Variants in MOB1B observed in about 807,000 individuals in gnomAD.
MOB1B encodes MOB1 Mps One Binder homolog B.
Under a neutral mutation model 24.4 loss-of-function variants are expected in MOB1B, and 19 were observed. The observed-to-expected ratio is 0.78, with a 90% CI of 0.54 to 1.14. The LOEUF (loss-of-function observed/expected upper bound fraction) is 1.14. Among genes scored for constraint, MOB1B ranks in the 50% most tolerant of loss-of-function variants. MOB1B has a pLI of 0.00. For missense variants in MOB1B, 243 were observed against 259.6 expected, an observed-to-expected ratio of 0.94 and a Z score of 0.44; for synonymous variants, 76 against 82.1, an observed-to-expected ratio of 0.93 and a Z score of 0.40.
chr4:70,905,079 A>G (rs898849334), intron 1 of MOB1B, among the ~76,000 whole-genome samples: 2 of 152,204 alleles, frequency 1.3e-5, no homozygotes, highest in Non-Finnish European at 2.9e-5. Flanking sequence ...GTGCTTGACA[A>G]TCAGAAAAGT....
At chr4:70,912,505 T>C (rs1310398338) in intron 1 of MOB1B, among the ~76,000 whole-genome samples, 1 of 152,048 alleles carries the variant, frequency 6.6e-6, no homozygotes, top group Non-Finnish European at 1.5e-5. Flanking sequence ...GTCTCAACTT[T>C]GTCTTCAGGT....
intron 1 of MOB1B, among the ~76,000 whole-genome samples, chr4:70,954,092 T>A (rs1158390217): frequency 6.6e-6 from 1 of 152,198 alleles, no homozygotes; most frequent in East Asian, 1.9e-4. Flanking sequence ...ATTAAAAAAA[T>A]TTTCTTTTAA....
At chr4:70,918,939 A>C (rs1185437699) in intron 1 of MOB1B, among the ~76,000 whole-genome samples, 1 of 152,224 alleles carries the variant, frequency 6.6e-6, no homozygotes, top group Non-Finnish European at 1.5e-5. Context: ...CTGGATTAAG[A>C]AAATGTGGCA....
At chr4:70,970,450 T>G (rs1738710968) in intron 3 of MOB1B, among the ~76,000 whole-genome samples, 1 of 152,248 alleles carries the variant, frequency 6.6e-6, no homozygotes, top group Non-Finnish European at 1.5e-5. Context: ...TTTTTACCTT[T>G]GTAATGAAAT....
intron 3 of MOB1B, among the ~76,000 whole-genome samples, chr4:70,973,272 TTAACA>T (rs1738839904): frequency 6.6e-6 from 1 of 151,960 alleles, no homozygotes; most frequent in Non-Finnish European, 1.5e-5. Flanking sequence ...TTAAGATTTC[TTAACA>T]TAAGGTAGTA....
chr4:70,975,599 C>A, intron 4 of MOB1B: 1 of 980,412 alleles, frequency 1.0e-6, no homozygotes, highest in Non-Finnish European at 1.2e-6. Context: ...TGATGATATT[C>A]TAGATTAAAG....
rs369224160 is a variant in MOB1B, at chr4:70,951,674, G to A, written c.15-7200G>A. Among the ~76,000 whole-genome samples the A allele has an allele frequency of 1.1e-3, 166 of 152,356 alleles. 1 individual carries two copies. The highest frequency in any genetic ancestry group is 3.8e-3 in the African/African-American group (158 of 41,586). Reference sequence around the variant, plus strand: ...GCACTTTGGGAGGCCAAGATGAGGGGATTGCTTGAGCCTAGCAGTTCGAGA... The same window carrying A: ...GCACTTTGGGAGGCCAAGATGAGGGAATTGCTTGAGCCTAGCAGTTCGAGA... On this transcript the variant is annotated intron_variant, in intron 1 of 5. Coordinates refer to ENST00000309395, the MANE Select transcript of MOB1B (RefSeq NM_173468.4).
In MOB1B at chr4:70,946,787, A is replaced by G. The variant is rs551294837; in HGVS notation, c.15-12087A>G. Among the ~76,000 whole-genome samples, 15 of 152,160 alleles carry G rather than the reference A, an allele frequency of 9.9e-5. No homozygotes were observed. The South Asian group carries it at 2.7e-3, about 27-fold the overall frequency. On this transcript the variant is annotated intron_variant, in intron 1 of 5. Transcript: ENST00000309395. ...TTCCAAAGAGGGTTTTGGGAACTTC[A>G]ATATTTAAAGGGGAAAGATGAAACA...
At chr4:70,947,760 G>T (rs369232970) in intron 1 of MOB1B, among the ~76,000 whole-genome samples, 2 of 152,082 alleles carry the variant, frequency 1.3e-5, no homozygotes, top group African/African-American at 4.8e-5. Flanking sequence ...GGGGCAGCAG[G>T]TGTGTGCCAC....
chr4:70,919,745 C>G (rs769941864), intron 1 of MOB1B, among the ~76,000 whole-genome samples: 2 of 152,132 alleles, frequency 1.3e-5, no homozygotes, highest in Admixed American at 1.3e-4. Flanking sequence ...GTGATCAGCC[C>G]GCCTCGGCCT....
At chr4:70,930,498 G>A (rs569872760) in intron 1 of MOB1B, among the ~76,000 whole-genome samples, 1 of 152,278 alleles carries the variant, frequency 6.6e-6, no homozygotes, top group African/African-American at 2.4e-5. Flanking sequence ...CCAATTGCTA[G>A]TGCATGTGAA....
chr4:70,964,480 A>G (rs1253152443), intron 2 of MOB1B, among the ~76,000 whole-genome samples: 1 of 152,242 alleles, frequency 6.6e-6, no homozygotes, highest in East Asian at 1.9e-4. Flanking sequence ...ATATATGGAA[A>G]CTTGTGGGAT....
At chr4:70,907,212 T>G (rs1735784783) in intron 1 of MOB1B, among the ~76,000 whole-genome samples, 1 of 152,180 alleles carries the variant, frequency 6.6e-6, no homozygotes, top group Non-Finnish European at 1.5e-5. Context: ...AATCACCAAC[T>G]TGAGGTTGGT....
intron 1 of MOB1B, chr4:70,950,678 C>T (rs1361526861): frequency 4.1e-5 from 53 of 1,281,462 alleles, no homozygotes; most frequent in Non-Finnish European, 1.2e-5. Context: ...TAATATTAAT[C>T]ATCATTATTA....
chr4:70,938,704 A>G (rs538956009), intron 1 of MOB1B, among the ~76,000 whole-genome samples: 1 of 1,212 alleles, frequency 8.3e-4, no homozygotes, highest in African/African-American at 3.4e-3. Flanking sequence ...TAGAGGCGTC[A>G]CTAATTCCTA....
In MOB1B at chr4:70,902,404, C is replaced by T. The variant is rs929801410; in HGVS notation, c.-133C>T. ...GCTGAGCCGAACTAGTTGCGGCCAC[C>T]GAGCAGCCGGCTCTCGGCACCTCCT... On this transcript the variant is annotated 5_prime_UTR_variant, in exon 1 of 6. Coordinates refer to ENST00000309395, the MANE Select transcript of MOB1B (RefSeq NM_173468.4). The T allele has an allele frequency of 1.0e-6, 1 of 958,124 alleles. No individual in the cohort carries two copies. 59.4% of individuals were successfully genotyped at this position (958,124 alleles called of 1,614,324 possible).
chr4:70,986,517 A>C lies in MOB1B; in HGVS notation c.*4460A>C, dbSNP rs956058592. 2.0e-5 allele frequency: 3 copies of C among 152,112 alleles called. No homozygotes were observed. Among genetic ancestry groups the C allele is most frequent in the Non-Finnish European group, 4.4e-5 (3 of 67,980 alleles). 9.4% of individuals were successfully genotyped at this position (152,112 alleles called of 1,614,324 possible). A position where few individuals can be genotyped will look rare whatever the true frequency, so the allele number is the denominator to read the frequency against. On this transcript the variant is annotated 3_prime_UTR_variant, in exon 6 of 6. Coordinates refer to ENST00000309395, the MANE Select transcript of MOB1B (RefSeq NM_173468.4). The stretch of plus-strand genomic sequence containing the variant: ...TGACTGCATACCAATAAGAAAACTT[A>C]CCTTATTTTGAAATTTATCTGGGAT...
chr4:70,912,341 G>A (rs899805482), intron 1 of MOB1B, among the ~76,000 whole-genome samples: 2 of 150,158 alleles, frequency 1.3e-5, no homozygotes, highest in Middle Eastern at 3.5e-3. Context: ...GTGCAGTGGT[G>A]CGATCTCTGC....
At chr4:70,930,646 A>T (rs1480671257) in intron 1 of MOB1B, among the ~76,000 whole-genome samples, 9 of 152,232 alleles carry the variant, frequency 5.9e-5, no homozygotes, top group Non-Finnish European at 1.3e-4. Context: ...GCATGATTGT[A>T]TGTGTGAAAC....
Sources: gnomAD v4.1 joint callset for allele counts (sites outside exome capture counted in the v4.1 genomes callset) on GRCh38, gnomAD v4.1.1 for gene constraint, MANE v1.5 for transcripts, NCBI Gene and HGNC (gene_info 2026-07-23, HGNC 2026-07-21) for gene names.